ANKS1A: variants seen among roughly 807,000 people sequenced by gnomAD.
ANKS1A encodes ankyrin repeat and SAM domain-containing protein 1A.
Under a neutral mutation model 120.3 loss-of-function variants are expected in ANKS1A, and 55 were observed. The ratio of observed to expected loss-of-function variants is 0.46; its 90% confidence interval spans 0.37 to 0.57. The LOEUF is 0.57. ANKS1A is among the 20% of genes least tolerant of loss of function. The pLI is 0.00. For synonymous variants in ANKS1A, 590 were observed against 604.7 expected, an observed-to-expected ratio of 0.98 and a Z score of 0.36; for missense variants, 1,123 against 1,480.3, an observed-to-expected ratio of 0.76 and a Z score of 3.96.
At chr6:35,095,573 A>G (rs971192247), downstream of ANKS1A, among the ~76,000 whole-genome samples, 58 of 150,222 alleles carry the variant, frequency 3.9e-4, no homozygotes, top group Non-Finnish European at 6.7e-4. Context: ...AAAAAAAAAA[A>G]AAGGAAAGAC....
At chr6:35,038,629 G>A (rs139320025) in intron 11 of ANKS1A, among the ~76,000 whole-genome samples, 66 of 152,188 alleles carry the variant, frequency 4.3e-4, no homozygotes, top group African/African-American at 1.5e-3. Context: ...CTATAGGCGT[G>A]CGCCACCATG....
chr6:34,957,765 G>T (rs537008699), intron 1 of ANKS1A, among the ~76,000 whole-genome samples: 1 of 152,164 alleles, frequency 6.6e-6, no homozygotes, highest in Non-Finnish European at 1.5e-5. Flanking sequence ...AGAGATGCAC[G>T]CTGTTTTCTC....
chr6:34,974,048 T>C (rs1485278478), intron 3 of ANKS1A, among the ~76,000 whole-genome samples: 1 of 37,740 alleles, frequency 2.6e-5, no homozygotes, highest in African/African-American at 1.4e-4. Context: ...TCCCCTTCTC[T>C]TCCCCTTCCC....
rs370232675 is a variant in ANKS1A, at chr6:34,950,558, AAGAG to A, written c.198-16671_198-16668del. 1.6e-4 allele frequency among the ~76,000 whole-genome samples: 25 copies of A among 152,016 alleles called. No individual in the cohort carries two copies. In the East Asian group the frequency reaches 4.4e-3, roughly 27 times the overall value. Reference sequence around the variant, plus strand: ...AGACGTTTTTCAAGACTATTACAATAAGAGAGAGAGAGATCCGGCTTAACTCCAA... The same window carrying A: ...AGACGTTTTTCAAGACTATTACAATAAGAGAGAGATCCGGCTTAACTCCAA... On this transcript the variant is annotated intron_variant, in intron 1 of 23. Coordinates refer to ENST00000360359, the MANE Select transcript of ANKS1A (RefSeq NM_015245.3).
At chr6:34,958,657 G>A (rs948336236) in intron 1 of ANKS1A, among the ~76,000 whole-genome samples, 2 of 152,038 alleles carry the variant, frequency 1.3e-5, no homozygotes, top group African/African-American at 2.4e-5. Flanking sequence ...TGACTCTGCC[G>A]GCCTGTTCAA....
In ANKS1A at chr6:35,088,874, A is replaced by G. The variant is rs1008793963; in HGVS notation, c.*265A>G. ...TCAAGAAGTGACTTGTTCAGAACAC[A>G]TTGTTTTTAACAGAAAAAAAATCTT... On this transcript the variant is annotated 3_prime_UTR_variant, in exon 24 of 24. Transcript: ENST00000360359. The G allele has an allele frequency of 2.1e-6, 3 of 1,419,802 alleles. No individual in the cohort carries two copies. The highest frequency in any genetic ancestry group is 1.4e-5 in the African/African-American group (1 of 69,388). 88.0% of individuals were successfully genotyped at this position (1,419,802 alleles called of 1,614,324 possible).
rs549695039 is a variant in ANKS1A, at chr6:34,913,619, T to TTTGTTG, written c.197+24047_197+24052dup. Among the ~76,000 whole-genome samples the TTTGTTG allele has an allele frequency of 6.4e-3, 964 of 151,216 alleles. 2 individuals are homozygous for TTTGTTG. Among genetic ancestry groups the TTTGTTG allele is most frequent in the Non-Finnish European group, 9.4e-3 (638 of 67,714 alleles). ...ACCATGCCTGGCCTAAACAAAATAG[T>TTTGTTG]TTGTTGTTGTTGTTGTTGTTGTTGT... On this transcript the variant is annotated intron_variant, in intron 1 of 23. Coordinates refer to ENST00000360359, the MANE Select transcript of ANKS1A (RefSeq NM_015245.3).
chr6:34,922,789 G>A (rs1412530784), intron 1 of ANKS1A, among the ~76,000 whole-genome samples: 3 of 151,642 alleles, frequency 2.0e-5, no homozygotes, highest in Non-Finnish European at 4.4e-5. Flanking sequence ...CACCTCCTGG[G>A]TTCAAGTGAT....
At chr6:35,018,530 T>A (rs1259899440) in intron 11 of ANKS1A, among the ~76,000 whole-genome samples, 3 of 151,854 alleles carry the variant, frequency 2.0e-5, no homozygotes, top group African/African-American at 7.3e-5. Flanking sequence ...CTTTTCTTTT[T>A]TATATATATA....
chr6:34,980,122 T>A (rs1296609385), intron 3 of ANKS1A, among the ~76,000 whole-genome samples: 1 of 152,244 alleles, frequency 6.6e-6, no homozygotes, highest in Non-Finnish European at 1.5e-5. Context: ...CTCCAGACTT[T>A]CAGGTTACAT....
In ANKS1A at chr6:35,088,908, A is replaced by G. The variant is rs1389262142; in HGVS notation, c.*299A>G. ...AACAGAAAAAAAATCTTTTTATAAA[A>G]TGAACTTTTAACACTTGGCTCAAAC... is the stretch of plus-strand genomic sequence containing the variant. On this transcript the variant is annotated 3_prime_UTR_variant, in exon 24 of 24. Coordinates refer to ENST00000360359, the MANE Select transcript of ANKS1A (RefSeq NM_015245.3). 1.5e-6 allele frequency: 2 copies of G among 1,379,194 alleles called. No homozygotes were observed. Among genetic ancestry groups the G allele is most frequent in the East Asian group, 2.8e-5 (1 of 35,948 alleles). 85.4% of individuals were successfully genotyped at this position (1,379,194 alleles called of 1,614,324 possible).
At chr6:35,030,948 G>A (rs768485290) in intron 11 of ANKS1A, among the ~76,000 whole-genome samples, 1 of 152,136 alleles carries the variant, frequency 6.6e-6, no homozygotes. Flanking sequence ...TGTACATAAT[G>A]TACATTGCAT....
chr6:34,924,090 CGTGTGTGTGTGT>C lies in ANKS1A; in HGVS notation c.197+34518_197+34529del, dbSNP rs71794086. Among the ~76,000 whole-genome samples the C allele has an allele frequency of 1.0e-3, 143 of 143,250 alleles. 1 individual carries two copies. In the East Asian group the frequency reaches 0.022, roughly 22 times the overall value. The allele number at this position is 143,250 out of a possible 152,430, so 94.0% of individuals were successfully genotyped here. A position where few individuals can be genotyped will look rare whatever the true frequency, so the allele number is the denominator to read the frequency against. On this transcript the variant is annotated intron_variant, in intron 1 of 23. Transcript: ENST00000360359. Reference sequence around the variant, plus strand: ...TGACATAGAATAGAGGGGGCTTTTTCGTGTGTGTGTGTGTGTGTGTGTGTGTGTGTGTGTGTG... The same window carrying C: ...TGACATAGAATAGAGGGGGCTTTTTCGTGTGTGTGTGTGTGTGTGTGTGTG...
intron 1 of ANKS1A, among the ~76,000 whole-genome samples, chr6:34,920,099 A>G (rs1301406435): frequency 6.6e-6 from 1 of 152,072 alleles, no homozygotes; most frequent in African/African-American, 2.4e-5. Context: ...AAGAGTTCCT[A>G]ATTAAATTGC....
intron 1 of ANKS1A, among the ~76,000 whole-genome samples, chr6:34,918,631 C>T (rs989414209): frequency 1.3e-5 from 2 of 152,104 alleles, no homozygotes. Context: ...GAAGTTACGA[C>T]GTTGAGCATA....
intron 1 of ANKS1A, among the ~76,000 whole-genome samples, chr6:34,943,721 T>C (rs1034822038): frequency 6.6e-6 from 1 of 152,192 alleles, no homozygotes; most frequent in Non-Finnish European, 1.5e-5. Flanking sequence ...CCTAACAATA[T>C]GCATTTAAGA....
At chr6:35,008,588 C>T (rs1773583426) in intron 10 of ANKS1A, among the ~76,000 whole-genome samples, 1 of 152,158 alleles carries the variant, frequency 6.6e-6, no homozygotes, top group African/African-American at 2.4e-5. Context: ...ATTTAGGTTT[C>T]TGAGTTGGAA....
intron 13 of ANKS1A, among the ~76,000 whole-genome samples, chr6:35,065,871 G>A (rs1410970470): frequency 6.6e-6 from 1 of 152,206 alleles, no homozygotes; most frequent in African/African-American, 2.4e-5. Flanking sequence ...AGGTTCTTCT[G>A]GGCCTGTGCA....
chr6:35,073,822 T>C (rs1331296267), intron 13 of ANKS1A, among the ~76,000 whole-genome samples: 1 of 152,196 alleles, frequency 6.6e-6, no homozygotes, highest in Non-Finnish European at 1.5e-5. Flanking sequence ...CCCTTCTCCC[T>C]GAGTAAAGAG....
Sources: gnomAD v4.1 joint callset for allele counts (sites outside exome capture counted in the v4.1 genomes callset) on GRCh38, gnomAD v4.1.1 for gene constraint, MANE v1.5 for transcripts, NCBI Gene and HGNC (gene_info 2026-07-23, HGNC 2026-07-21) for gene names.